The following CCL24 variants were observed in gnomAD, a reference collection of about 807,000 sequenced individuals.
CCL24 encodes C-C motif chemokine 24.
In CCL24, 6 loss-of-function variants were observed where a neutral mutation model predicts 8.6. The ratio of observed to expected loss-of-function variants is 0.70; its 90% CI spans 0.38 to 1.38. CCL24 has a LOEUF of 1.38. Ranked by LOEUF, CCL24 falls within the 40% of genes most tolerant of loss-of-function variation. The pLI is 0.02. For synonymous variants in CCL24, 59 were observed against 52.7 expected (o/e 1.12, Z -0.52); for missense variants, 126 against 147.1 (o/e 0.86, Z 0.74).
At chr7:75,815,606 G>A (rs1466654863), upstream of CCL24, among the ~76,000 whole-genome samples, 3 of 152,278 alleles carry the variant, frequency 2.0e-5, no homozygotes, top group South Asian at 2.1e-4. Flanking sequence ...TGGCAACTAC[G>A]CGGAAGCCTG....
rs782287551 is a variant in CCL24, at chr7:75,811,797, T to A, written c.359A>T (p.Ter120LeuextTer37). 1 of 1,613,000 alleles carries A rather than the reference T, an allele frequency of 6.2e-7. No individual in the cohort carries two copies. The highest frequency in any genetic ancestry group is 8.5e-7 in the Non-Finnish European group (1 of 1,179,462). ...CAGGGCTGGAGGGCTGGGCGGGGAT[T>A]AGCAGGTGGTTTGGTTGCCAGGATA... ...QRYPGNQTTC[*>L] Residue 120 changes from the stop codon to leucine, a stop_lost, in exon 3 of 3, where the codon TAA becomes TTA. Coordinates refer to ENST00000222902, the MANE Select transcript of CCL24 (RefSeq NM_002991.3).
chr7:75,820,081 T>TCTTCTG (rs1804002663), intron 1 of CCL24, among the ~76,000 whole-genome samples: 5 of 142,354 alleles, frequency 3.5e-5, no homozygotes, highest in African/African-American at 1.3e-4. Context: ...TTCTTCTTCT[T>TCTTCTG]CTTCTTCCTC....
At chr7:75,813,967 G>A (rs1554533808), upstream of CCL24, among the ~76,000 whole-genome samples, 1 of 152,084 alleles carries the variant, frequency 6.6e-6, no homozygotes, top group Non-Finnish European at 1.5e-5. Flanking sequence ...CTTGGGCTCC[G>A]AACGAAAGAA....
chr7:75,814,922 T>C (rs1803857192), upstream of CCL24, among the ~76,000 whole-genome samples: 1 of 151,764 alleles, frequency 6.6e-6, no homozygotes, highest in African/African-American at 2.4e-5. Context: ...AGTCCCCCGA[T>C]GGTCTCTCGT....
chr7:75,816,985 A>C (rs7797393), upstream of CCL24, among the ~76,000 whole-genome samples: 45,572 of 151,720 alleles, frequency 0.3, 7,235 homozygotes, highest in East Asian at 0.48. Context: ...CTGCCTCAGC[A>C]TCCTGAGTAG....
chr7:75,811,400 A>G lies in CCL24; in HGVS notation c.*396T>C, dbSNP rs1295586118. ...AGGCTGAGGCACGAGAATCACTTGA[A>G]CCCAGGAGGCGGAGGTTGCAGTGAA... On this transcript the variant is annotated 3_prime_UTR_variant, in exon 3 of 3. Coordinates refer to ENST00000222902, the MANE Select transcript of CCL24 (RefSeq NM_002991.3). 1.3e-5 allele frequency among the ~76,000 whole-genome samples: 2 copies of G among 151,418 alleles called. No individual in the cohort carries two copies. The highest frequency in any genetic ancestry group is 4.9e-5 in the African/African-American group (2 of 41,192).
At chr7:75,814,918 C>T (rs991425591), upstream of CCL24, among the ~76,000 whole-genome samples, 14 of 152,142 alleles carry the variant, frequency 9.2e-5, no homozygotes, top group African/African-American at 2.9e-4. Flanking sequence ...TCCCAGTCCC[C>T]CGATGGTCTC....
At chr7:75,819,292 A>AT (rs1803967005) in intron 1 of CCL24, among the ~76,000 whole-genome samples, 14 of 27,816 alleles carry the variant, frequency 5.0e-4, no homozygotes, top group Non-Finnish European at 6.9e-4. Context: ...AAAAAAAAAA[A>AT]AAAAAAAAAA....
chr7:75,812,597 CT>C (rs1262447825), intron 2 of CCL24, among the ~76,000 whole-genome samples: 1 of 152,108 alleles, frequency 6.6e-6, no homozygotes, highest in Non-Finnish European at 1.5e-5. Context: ...TCTTGTGCCC[CT>C]GAATAGTGAC....
At chr7:75,812,496 A>C (rs898375315) in intron 2 of CCL24, among the ~76,000 whole-genome samples, 11 of 152,184 alleles carry the variant, frequency 7.2e-5, no homozygotes, top group Non-Finnish European at 1.3e-4. Flanking sequence ...ACCTTGAGCA[A>C]GTTACCTTCC....
At position 75,820,021 on chromosome 7, in the gene CCL24, T is replaced by A. The variant is rs112323099; in HGVS notation, c.-60+3301A>T. On this transcript the variant is annotated intron_variant, in intron 1 of 3. Coordinates refer to the CCL24 transcript ENST00000416943. ...ATGTAAGGGCTTTTAGTAAACTACT[T>A]CTTCTTCTTCTTCTTCTTCTTCTTC... 2.1e-3 allele frequency among the ~76,000 whole-genome samples: 155 copies of A among 72,136 alleles called. 2 individuals are homozygous for A. Among genetic ancestry groups the A allele is most frequent in the African/African-American group, 5.8e-3 (110 of 19,122 alleles). 47.3% of individuals were successfully genotyped at this position (72,136 alleles called of 152,430 possible).
At chr7:75,819,569 C>G (rs1314246388) in intron 1 of CCL24, among the ~76,000 whole-genome samples, 1 of 150,698 alleles carries the variant, frequency 6.6e-6, no homozygotes, top group Admixed American at 6.7e-5. Flanking sequence ...TCAAGACTAG[C>G]CTGGGTAACA....
chr7:75,813,432 G>T lies in CCL24; in HGVS notation c.74-9C>A. The T allele has an allele frequency of 6.3e-7, 1 of 1,589,720 alleles. No individual in the cohort carries two copies. The highest frequency in any genetic ancestry group is 1.1e-5 in the South Asian group (1 of 90,498). Reference sequence around the variant, plus strand: ...GGGGATGACCACAGAGCCTAGAAGAGGAGAGAGAGAAGAGCCACGTCTTTT... The same window carrying T: ...GGGGATGACCACAGAGCCTAGAAGATGAGAGAGAGAAGAGCCACGTCTTTT... On this transcript the variant is annotated splice_polypyrimidine_tract_variant and intron_variant, in intron 1 of 2. Transcript: ENST00000222902.
chr7:75,811,823 T>G lies in CCL24; in HGVS notation c.333A>C (p.Arg111Ser), dbSNP rs1554533473. Reference protein sequence around the residue: ...RAVAVKGPVQRYPGNQTTC With the variant: ...RAVAVKGPVQSYPGNQTTC ...AGCAGGTGGTTTGGTTGCCAGGATA[T>G]CTCTGGACAGGGCCCTTGACAGCCA... Residue 111 changes from arginine (R) to serine (S), a missense_variant, in exon 3 of 3, where the codon AGA (arginine) becomes AGC (serine). Arg to Ser is a moderately radical substitution (Grantham distance 110). Transcript: ENST00000222902. 1.9e-6 allele frequency: 3 copies of G among 1,613,314 alleles called. No individual in the cohort carries two copies. Among genetic ancestry groups the G allele is most frequent in the Non-Finnish European group, 2.5e-6 (3 of 1,179,910 alleles).
intron 1 of CCL24, among the ~76,000 whole-genome samples, chr7:75,822,739 G>T (rs1554535256): frequency 1.3e-5 from 2 of 152,192 alleles, no homozygotes; most frequent in Admixed American, 6.5e-5. Context: ...TGAGGCATGA[G>T]AATTGCTTGA....
intron 1 of CCL24, among the ~76,000 whole-genome samples, chr7:75,821,079 T>C (rs1454356387): frequency 6.6e-6 from 1 of 152,204 alleles, no homozygotes. Context: ...GAGGCAATTA[T>C]GACACAGGTG....
upstream of CCL24, among the ~76,000 whole-genome samples, chr7:75,815,003 G>C (rs538205276): frequency 3.3e-5 from 5 of 152,184 alleles, no homozygotes; most frequent in Non-Finnish European, 5.9e-5. Context: ...CCCTGACCCA[G>C]GACAAGGTAT....
At chr7:75,819,722 C>G (rs184353817) in intron 1 of CCL24, among the ~76,000 whole-genome samples, 4 of 151,934 alleles carry the variant, frequency 2.6e-5, no homozygotes, top group Non-Finnish European at 5.9e-5. Flanking sequence ...GTAGACCACA[C>G]ACACACACAA....
chr7:75,813,187 G>C, intron 2 of CCL24, 119 bp downstream of exon 2: 1 of 612,502 alleles, frequency 1.6e-6, no homozygotes, highest in South Asian at 1.9e-5. Flanking sequence ...GACCAGAGAG[G>C]GGAGGTGACT....
Sources: allele counts gnomAD v4.1 joint callset (sites outside exome capture counted in the v4.1 genomes callset), GRCh38; gene constraint gnomAD v4.1.1; transcripts MANE v1.5; gene names NCBI Gene and HGNC (gene_info 2026-07-23, HGNC 2026-07-21).